Variants in DYNC1I1 observed in about 807,000 individuals in gnomAD.
DYNC1I1 encodes the protein cytoplasmic dynein 1 intermediate chain 1.
In DYNC1I1, 43 loss-of-function variants were observed where a neutral mutation model predicts 86.6. The ratio of observed to expected loss-of-function variants is 0.50; its 90% CI spans 0.39 to 0.64. The LOEUF (loss-of-function observed/expected upper bound fraction) is 0.64, where lower values mean the gene tolerates loss of function less well. DYNC1I1 is among the 30% of genes least tolerant of loss of function. The pLI is 0.00. For synonymous variants in DYNC1I1, 262 were observed against 283.7 expected, an observed-to-expected ratio of 0.92 and a Z score of 0.77; for missense variants, 604 against 788.8, an observed-to-expected ratio of 0.77 and a Z score of 2.81.
chr7:95,994,553 C>T (rs959763760), intron 9 of DYNC1I1, among the ~76,000 whole-genome samples: 1 of 151,994 alleles, frequency 6.6e-6, no homozygotes, highest in Non-Finnish European at 1.5e-5. Context: ...CAGAGATGTA[C>T]CTGTGTGCCT....
chr7:96,044,755 G>T (rs1789158410), intron 14 of DYNC1I1, among the ~76,000 whole-genome samples: 1 of 152,136 alleles, frequency 6.6e-6, no homozygotes, highest in Admixed American at 6.6e-5. Flanking sequence ...GCTGTAGGGG[G>T]TTAAATACTC....
intron 1 of DYNC1I1, among the ~76,000 whole-genome samples, chr7:95,788,333 G>A (rs559719772): frequency 6.6e-6 from 1 of 152,290 alleles, no homozygotes; most frequent in South Asian, 2.1e-4. Context: ...ATGTTTGGAA[G>A]GAAGAGATAA....
In DYNC1I1 at chr7:95,822,615, G is replaced by A. The variant is rs577773785; in HGVS notation, c.315-5442G>A. 3.3e-5 allele frequency among the ~76,000 whole-genome samples: 5 copies of A among 152,236 alleles called. No individual in the cohort carries two copies. The South Asian group carries it at 1.0e-3, about 32-fold the overall frequency. The stretch of plus-strand genomic sequence containing the variant: ...AACAGTGCCTGTTGGTCCAGAGTAG[G>A]TACAGAATTATTGGGTTACTTAGCT... On this transcript the variant is annotated intron_variant, in intron 4 of 16. Coordinates refer to ENST00000447467, the MANE Select transcript of DYNC1I1 (RefSeq NM_001135556.2).
chr7:96,079,592 A>G (rs757389501), intron 15 of DYNC1I1, among the ~76,000 whole-genome samples: 2 of 152,154 alleles, frequency 1.3e-5, no homozygotes, highest in African/African-American at 2.4e-5. Context: ...AATTATTATT[A>G]TTGTTATAAT....
intron 5 of DYNC1I1, among the ~76,000 whole-genome samples, chr7:95,860,197 A>AT (rs926581474): frequency 6.6e-6 from 1 of 152,062 alleles, no homozygotes; most frequent in African/African-American, 2.4e-5. Context: ...TGATTGATGT[A>AT]TTCTATCTCC....
chr7:95,784,500 A>AC lies in DYNC1I1; in HGVS notation c.-10+11730dup, dbSNP rs527490234. Among the ~76,000 whole-genome samples, 47 of 152,034 alleles carry AC rather than the reference A, an allele frequency of 3.1e-4. No homozygotes were observed. The East Asian group carries it at 3.3e-3, about 11-fold the overall frequency. The stretch of plus-strand genomic sequence containing the variant: ...CCTCTGTTTTTTCTTTGCCTCTCCC[A>AC]CCCACTCCTTGAATGCAAAGTGGGG... On this transcript the variant is annotated intron_variant, in intron 1 of 16. Transcript: ENST00000447467.
intron 16 of DYNC1I1, among the ~76,000 whole-genome samples, chr7:96,090,484 A>C (rs1790808146): frequency 1.3e-5 from 2 of 151,502 alleles, no homozygotes; most frequent in African/African-American, 4.9e-5. Context: ...TTCTTTCCTT[A>C]ATTAGGTGGT....
chr7:96,007,193 A>C (rs971939923), intron 10 of DYNC1I1, among the ~76,000 whole-genome samples: 2 of 152,196 alleles, frequency 1.3e-5, no homozygotes, highest in African/African-American at 2.4e-5. Context: ...CTTGTGTTAC[A>C]GGAATAATGG....
rs767469710 is a variant in DYNC1I1 at position 96,032,757 on chromosome 7, C to A, written c.1207C>A (p.Leu403Met). The change falls in exon 12 of 17, where the codon CTG becomes ATG. Residue 403 changes from leucine (L) to methionine (M), a missense_variant. By Grantham distance (15) the Leu-to-Met change is conservative. Coordinates refer to ENST00000447467, the MANE Select transcript of DYNC1I1 (RefSeq NM_001135556.2). ...STDGKMCSWS[L>M]DMLSTPQESM... ...TGATGGCAAAATGTGTTCCTGGAGC[C>A]TGGACATGCTCTCAACTCCACAGGT... 1 of 1,613,476 alleles carries A rather than the reference C, an allele frequency of 6.2e-7. No individual in the cohort carries two copies. The highest frequency in any genetic ancestry group is 1.7e-5 in the Admixed American group (1 of 59,984).
chr7:96,080,304 T>C, intron 15 of DYNC1I1, 59 bp from the exon 16 acceptor site: 1 of 1,519,678 alleles, frequency 6.6e-7, no homozygotes, highest in Middle Eastern at 2.0e-4. Context: ...TTATTGTAAA[T>C]TTGTATATTT....
chr7:95,831,724 T>A (rs1463592060), intron 5 of DYNC1I1, among the ~76,000 whole-genome samples: 2 of 152,160 alleles, frequency 1.3e-5, no homozygotes, highest in Non-Finnish European at 2.9e-5. Flanking sequence ...TAGTTTTGAT[T>A]TGCATGTCTC....
At chr7:96,007,976 G>T (rs760879139) in intron 10 of DYNC1I1, among the ~76,000 whole-genome samples, 16 of 152,288 alleles carry the variant, frequency 1.1e-4, no homozygotes, top group Middle Eastern at 6.8e-3. Context: ...GGTGAAGTAA[G>T]AGCTGCTGAG....
chr7:96,096,743 G>A (rs1205576823), intron 16 of DYNC1I1, among the ~76,000 whole-genome samples: 1 of 152,064 alleles, frequency 6.6e-6, no homozygotes, highest in East Asian at 1.9e-4. Context: ...ATAGCATACT[G>A]GCTAAGGATG....
At chr7:95,829,800 G>T (rs1225073487) in intron 5 of DYNC1I1, among the ~76,000 whole-genome samples, 2 of 105,546 alleles carry the variant, frequency 1.9e-5, no homozygotes, top group African/African-American at 4.5e-5. Flanking sequence ...GGAGAGAGAA[G>T]ATGGAGACTT....
intron 16 of DYNC1I1, among the ~76,000 whole-genome samples, chr7:96,086,899 G>C (rs1790696725): frequency 6.6e-6 from 1 of 152,110 alleles, no homozygotes; most frequent in African/African-American, 2.4e-5. Flanking sequence ...TTACATGTAA[G>C]AACTGTTAAC....
intron 9 of DYNC1I1, among the ~76,000 whole-genome samples, chr7:95,994,421 G>T (rs1022178421): frequency 6.6e-6 from 1 of 152,176 alleles, no homozygotes; most frequent in Admixed American, 6.5e-5. Flanking sequence ...GAAGGAAGTG[G>T]TTGGTTAAGT....
chr7:96,002,751 G>A (rs1433973526), intron 10 of DYNC1I1, among the ~76,000 whole-genome samples: 2 of 152,110 alleles, frequency 1.3e-5, no homozygotes, highest in Non-Finnish European at 2.9e-5. Context: ...GAGTGCTGGG[G>A]ACAGGTAGAG....
intron 10 of DYNC1I1, among the ~76,000 whole-genome samples, chr7:96,026,892 A>T (rs920866064): frequency 6.6e-6 from 1 of 152,028 alleles, no homozygotes; most frequent in Non-Finnish European, 1.5e-5. Context: ...ACACACCCAC[A>T]CACTCCACAT....
chr7:95,996,147 T>C (rs2115758304), intron 10 of DYNC1I1, 74 bp downstream of exon 10: 2 of 1,587,972 alleles, frequency 1.3e-6, no homozygotes, highest in Non-Finnish European at 1.7e-6. Flanking sequence ...ATTGCATCTG[T>C]CTTATGCTGA....
Sources: allele counts gnomAD v4.1 joint callset (sites outside exome capture counted in the v4.1 genomes callset), GRCh38; gene constraint gnomAD v4.1.1; transcripts MANE v1.5; gene names NCBI Gene and HGNC (gene_info 2026-07-23, HGNC 2026-07-21).